The following KCNQ1 variants were observed in gnomAD, a reference collection of about 807,000 sequenced individuals.
The protein encoded by KCNQ1 is potassium voltage-gated channel subfamily KQT member 1.
Under a neutral mutation model 72.4 loss-of-function variants are expected in KCNQ1, and 49 were observed. The observed-to-expected ratio is 0.68, with a 90% CI of 0.54 to 0.86. The LOEUF (loss-of-function observed/expected upper bound fraction) is 0.86. KCNQ1 is among the 40% of genes least tolerant of loss of function. The probability of loss-of-function intolerance (pLI) is 0.00; values close to 1 mark genes in which losing one functional copy is unlikely to be tolerated. For missense variants in KCNQ1, 790 were observed against 945.1 expected, an observed-to-expected ratio of 0.84 and a Z score of 2.15; for synonymous variants, 450 against 412.6, an observed-to-expected ratio of 1.09 and a Z score of -1.10.
chr11:2,844,122 C>T (rs1848269522), intron 15 of KCNQ1, among the ~76,000 whole-genome samples: 1 of 152,356 alleles, frequency 6.6e-6, no homozygotes, highest in East Asian at 1.9e-4. Flanking sequence ...AAAAACCAAA[C>T]GTGCCAGCGA....
At chr11:2,788,397 G>A (rs781467881) in intron 15 of KCNQ1, among the ~76,000 whole-genome samples, 11 of 152,170 alleles carry the variant, frequency 7.2e-5, no homozygotes, top group Non-Finnish European at 1.0e-4. Flanking sequence ...AGTGTGTGTC[G>A]GTGCAGGCAG....
In KCNQ1 at chr11:2,566,720, C is replaced by A. The variant is rs948695814; in HGVS notation, c.478-3908C>A. On this transcript the variant is annotated intron_variant, in intron 2 of 15. Transcript: ENST00000155840. This position sits in a 1 kb window ranked among gnomAD's most constrained non-coding sequence, Gnocchi z 6.7. ...GTATCTACGGGGCAGAGCTCAGGGCCGCACTCCATCAGCATCCCGGGCCAT... is the reference window on the plus strand; with the variant it reads ...GTATCTACGGGGCAGAGCTCAGGGCAGCACTCCATCAGCATCCCGGGCCAT... 2.6e-5 allele frequency among the ~76,000 whole-genome samples: 4 copies of A among 152,084 alleles called. No individual in the cohort carries two copies. Among genetic ancestry groups the A allele is most frequent in the Admixed American group, 1.3e-4 (2 of 15,280 alleles).
chr11:2,744,121 A>G (rs1846100518), intron 11 of KCNQ1, among the ~76,000 whole-genome samples: 1 of 152,238 alleles, frequency 6.6e-6, no homozygotes, highest in Non-Finnish European at 1.5e-5. Flanking sequence ...CTGAAAATCA[A>G]TGTTTAGTCC....
At chr11:2,753,610 T>C (rs1287401455) in intron 11 of KCNQ1, among the ~76,000 whole-genome samples, 3 of 152,242 alleles carry the variant, frequency 2.0e-5, no homozygotes, top group Non-Finnish European at 1.5e-5. Context: ...TTTTGGTATA[T>C]TCAGAGTCAT....
intron 4 of KCNQ1, 122 bp downstream of exon 4, chr11:2,571,525 C>A: frequency 1.3e-6 from 1 of 793,112 alleles, no homozygotes; most frequent in Non-Finnish European, 2.1e-6. Context: ...GTGCCCACTG[C>A]CCCCGGGGGC....
rs1357669006 is a variant in KCNQ1, at chr11:2,547,185, T to C, written c.477+19167T>C. On this transcript the variant is annotated intron_variant, in intron 2 of 15. Coordinates refer to ENST00000155840, the MANE Select transcript of KCNQ1 (RefSeq NM_000218.3). The surrounding 1 kb of genome is among the most constrained non-coding windows in gnomAD (Gnocchi z 4.2). ...GTTGTAGTTTTCTTTACAATATGTG[T>C]ATTATTTTCTTTTAAAAACATTTGG... Among the ~76,000 whole-genome samples, 2 of 152,240 alleles carry C rather than the reference T, an allele frequency of 1.3e-5. No individual in the cohort carries two copies. The highest frequency in any genetic ancestry group is 3.8e-4 in the East Asian group (2 of 5,202).
Position 2,772,678 on chromosome 11 carries a change from C to T in KCNQ1, c.1591-3282C>T, listed in dbSNP as rs1846622240. Among the ~76,000 whole-genome samples, 1 of 152,214 alleles carries T rather than the reference C, an allele frequency of 6.6e-6. No individual in the cohort carries two copies. The highest frequency in any genetic ancestry group is 1.5e-5 in the Non-Finnish European group (1 of 68,032). ...GCAGGGAGCTCTCTGCTGATAGGCCCACCCAGCCCTGCTCCTGCAGACGTG... is the reference window on the plus strand; with the variant it reads ...GCAGGGAGCTCTCTGCTGATAGGCCTACCCAGCCCTGCTCCTGCAGACGTG... On this transcript the variant is annotated intron_variant, in intron 12 of 15. Transcript: ENST00000155840. The surrounding 1 kb of genome is among the most constrained non-coding windows in gnomAD (Gnocchi z 6.6).
chr11:2,539,563 ACCG>A (rs1312657322), intron 2 of KCNQ1, among the ~76,000 whole-genome samples: 1 of 152,092 alleles, frequency 6.6e-6, no homozygotes, highest in African/African-American at 2.4e-5. Flanking sequence ...CGAAGGGAAC[ACCG>A]CCATGGTGCT....
At chr11:2,552,111 G>C (rs936108220) in intron 2 of KCNQ1, among the ~76,000 whole-genome samples, 4 of 151,760 alleles carry the variant, frequency 2.6e-5, no homozygotes, top group East Asian at 1.9e-4. Flanking sequence ...AATTCATCAG[G>C]GTTCTTCTTT....
At position 2,463,433 on chromosome 11, in the gene KCNQ1, A is replaced by G. The variant is rs1846307157; in HGVS notation, c.386+17949A>G. 6.6e-6 allele frequency among the ~76,000 whole-genome samples: 1 copy of G among 152,088 alleles called. No individual in the cohort carries two copies. Among genetic ancestry groups the G allele is most frequent in the Non-Finnish European group, 1.5e-5 (1 of 67,986 alleles). On this transcript the variant is annotated intron_variant, in intron 1 of 15. Transcript: ENST00000155840. This position sits in a 1 kb window ranked among gnomAD's most constrained non-coding sequence, Gnocchi z 7.0. ...CAGCACCCACAGGACAAGTGGTGGA[A>G]TGTTCTGGTTGTCCTTGGTGCAGGT...
At position 2,624,850 on chromosome 11, in the gene KCNQ1, G is replaced by GTGA. The variant is rs993308498; in HGVS notation, c.1393+35997_1393+35999dup. The GTGA allele has an allele frequency of 2.5e-6, 1 of 398,214 alleles. No individual in the cohort carries two copies. Among genetic ancestry groups the GTGA allele is most frequent in the African/African-American group, 2.1e-5 (1 of 48,506 alleles). The allele number at this position is 398,214 out of a possible 1,614,324, so 24.7% of individuals were successfully genotyped here. A position where few individuals can be genotyped will look rare whatever the true frequency, so the allele number is the denominator to read the frequency against. On this transcript the variant is annotated intron_variant, in intron 10 of 15. Transcript: ENST00000155840. This position sits in a 1 kb window ranked among gnomAD's most constrained non-coding sequence, Gnocchi z 4.9. ...GGAAACATACAGTACTTCTCTTCTT[G>GTGA]TGACTGCTGTATTTCATTTAACATA...
chr11:2,628,509 G>C (rs1849297014), intron 10 of KCNQ1: 1 of 398,334 alleles, frequency 2.5e-6, no homozygotes, highest in South Asian at 1.3e-4. Flanking sequence ...TTTTTTGCTA[G>C]TTATATGAGT....
chr11:2,777,814 G>A (rs978912613), intron 14 of KCNQ1, 162 bp from the exon 15 acceptor site: 22 of 668,220 alleles, frequency 3.3e-5, no homozygotes, highest in Non-Finnish European at 4.9e-5. Context: ...ACCACCCCTG[G>A]TATTTTTGTC....
At chr11:2,459,196 G>A (rs1330124622) in intron 1 of KCNQ1, among the ~76,000 whole-genome samples, 2 of 152,252 alleles carry the variant, frequency 1.3e-5, no homozygotes, top group Non-Finnish European at 2.9e-5. Context: ...TTGGGACGCG[G>A]TGGTGGGGAC....
At chr11:2,452,403 G>C (rs2133569356) in intron 1 of KCNQ1, among the ~76,000 whole-genome samples, 1 of 152,314 alleles carries the variant, frequency 6.6e-6, no homozygotes, top group African/African-American at 2.4e-5. Context: ...GGGGCCAGGG[G>C]CTGTGTCCTC....
In KCNQ1 at chr11:2,679,648, C is replaced by A. The variant is rs1433021338; in HGVS notation, c.1514+17567C>A. The A allele has an allele frequency of 7.5e-6, 3 of 398,422 alleles. No homozygotes were observed. Among genetic ancestry groups the A allele is most frequent in the Non-Finnish European group, 1.3e-5 (3 of 226,062 alleles). The allele number at this position is 398,422 out of a possible 1,614,324, so 24.7% of individuals were successfully genotyped here. A position where few individuals can be genotyped will look rare whatever the true frequency, so the allele number is the denominator to read the frequency against. ...AGCATCAGAAAAAATACAAGTGCAT[C>A]CTCATAAGATTATTTAGGATGCATA... On this transcript the variant is annotated intron_variant, in intron 11 of 15. Coordinates refer to ENST00000155840, the MANE Select transcript of KCNQ1 (RefSeq NM_000218.3). The surrounding 1 kb of genome is among the most constrained non-coding windows in gnomAD (Gnocchi z 4.8).
intron 2 of KCNQ1, among the ~76,000 whole-genome samples, chr11:2,560,441 G>A (rs1413437282): frequency 1.2e-5 from 1 of 81,122 alleles, no homozygotes; most frequent in Non-Finnish European, 2.4e-5. Flanking sequence ...GGACGGTGGG[G>A]GATGTCCATC....
chr11:2,699,967 C>A, intron 11 of KCNQ1: 2 of 398,328 alleles, frequency 5.0e-6, no homozygotes, highest in Non-Finnish European at 8.9e-6. Flanking sequence ...CCTGGAGGTC[C>A]GTGCTGAGGC....
At position 2,621,215 on chromosome 11, in the gene KCNQ1, T is replaced by A; in HGVS notation, c.1393+32361T>A. On this transcript the variant is annotated intron_variant, in intron 10 of 15. Coordinates refer to ENST00000155840, the MANE Select transcript of KCNQ1 (RefSeq NM_000218.3). The surrounding 1 kb of genome is among the most constrained non-coding windows in gnomAD (Gnocchi z 5.7). The stretch of plus-strand genomic sequence containing the variant: ...ATGGTCTCGAATACCTGACCCCAGA[T>A]GATCCACGCACCTCAGCCTCCCAAA... 5.0e-6 allele frequency: 2 copies of A among 397,846 alleles called. No homozygotes were observed. Among genetic ancestry groups the A allele is most frequent in the Non-Finnish European group, 8.8e-6 (2 of 225,990 alleles). 24.6% of individuals were successfully genotyped at this position (397,846 alleles called of 1,614,324 possible).
Sources: gnomAD v4.1 joint callset for allele counts (sites outside exome capture counted in the v4.1 genomes callset) on GRCh38, gnomAD v4.1.1 for gene constraint, Gnocchi (gnomAD v3.1) non-coding constraint, MANE v1.5 for transcripts, NCBI Gene and HGNC (gene_info 2026-07-23, HGNC 2026-07-21) for gene names.